The following TTC21A variants were observed in gnomAD, a reference collection of about 807,000 sequenced individuals.
TTC21A encodes the protein tetratricopeptide repeat domain 21A.
In TTC21A, 128 loss-of-function variants were observed where a neutral mutation model predicts 156.4. The observed-to-expected ratio is 0.82, with a 90% CI of 0.71 to 0.95. The LOEUF (loss-of-function observed/expected upper bound fraction) is 0.95. TTC21A is among the 40% of genes least tolerant of loss of function. The pLI is 0.00. For missense variants in TTC21A, 1,435 were observed against 1,602.3 expected, an observed-to-expected ratio of 0.90 and a Z score of 1.78; for synonymous variants, 587 against 617.1, an observed-to-expected ratio of 0.95 and a Z score of 0.72.
Position 39,136,908 on chromosome 3 carries a change from G to A in TTC21A, c.3105G>A (p.Gly1035=). ...GTTTTCTCCACCACAGGCACATAGGGCAGCCCAACGAAGCCTTAAAGTTCC... is the reference window on the plus strand; with the variant it reads ...GTTTTCTCCACCACAGGCACATAGGACAGCCCAACGAAGCCTTAAAGTTCC... ...YCRGIYCWHI[G]QPNEALKFLN... The change falls in exon 24 of 29, where the codon GGG becomes GGA. Residue 1035 remains glycine, a synonymous_variant. Transcript: ENST00000683103. The A allele has an allele frequency of 6.2e-7, 1 of 1,614,016 alleles. No homozygotes were observed. The highest frequency in any genetic ancestry group is 8.5e-7 in the Non-Finnish European group (1 of 1,180,014).
At position 39,114,745 on chromosome 3, in the gene TTC21A, G is replaced by A. The variant is rs369788110; in HGVS notation, c.716+3G>A. The A allele has an allele frequency of 4.6e-5, 75 of 1,614,018 alleles. No homozygotes were observed. In the Middle Eastern group the frequency reaches 6.6e-4, roughly 14 times the overall value. On this transcript the variant is annotated splice_donor_region_variant and intron_variant, in intron 6 of 28. Transcript: ENST00000683103. The stretch of plus-strand genomic sequence containing the variant: ...CAGACAGTAGAAATGGGACACAGGT[G>A]AGCTACTGCACAAATGGGCAGCCAA...
chr3:39,113,572 C>T (rs767632702), intron 5 of TTC21A, among the ~76,000 whole-genome samples: 1 of 152,198 alleles, frequency 6.6e-6, no homozygotes, highest in Non-Finnish European at 1.5e-5. Flanking sequence ...AGCCATCAGC[C>T]ACCAACTCTC....
intron 5 of TTC21A, among the ~76,000 whole-genome samples, chr3:39,113,496 G>A (rs1414996251): frequency 2.0e-5 from 3 of 152,188 alleles, no homozygotes; most frequent in Non-Finnish European, 4.4e-5. Flanking sequence ...CCCAGGGACA[G>A]GTGTGACCTG....
intron 27 of TTC21A, 52 bp from the exon 28 acceptor site, chr3:39,138,504 G>C: frequency 1.2e-6 from 2 of 1,613,822 alleles, no homozygotes; most frequent in South Asian, 2.2e-5. Flanking sequence ...GAACCAGAGG[G>C]GTTCTCAGGT....
Position 39,114,740 on chromosome 3 carries a change from C to G in TTC21A, c.714C>G (p.His238Gln). 2 of 1,614,166 alleles carry G rather than the reference C, an allele frequency of 1.2e-6. No homozygotes were observed. Among genetic ancestry groups the G allele is most frequent in the Non-Finnish European group, 1.7e-6 (2 of 1,180,020 alleles). Residue 238 changes from histidine (H) to glutamine (Q), a missense_variant and splice_region_variant, in exon 6 of 29, where the codon CAC (histidine) becomes CAG (glutamine). By Grantham distance (24) the His-to-Gln change is conservative (BLOSUM62 0). Coordinates refer to ENST00000683103, the MANE Select transcript of TTC21A (RefSeq NM_001366900.1). ...QDWEQTVEMG[H>Q]RILEKDESNI... ...GGGAGCAGACAGTAGAAATGGGACA[C>G]AGGTGAGCTACTGCACAAATGGGCA...
At chr3:39,113,201 C>T (rs190440892) in intron 5 of TTC21A, among the ~76,000 whole-genome samples, 12 of 152,212 alleles carry the variant, frequency 7.9e-5, no homozygotes, top group Admixed American at 4.6e-4. Context: ...TTAGTCTTAC[C>T]GCTCCAAGAC....
chr3:39,137,283 CA>C lies in TTC21A; in HGVS notation c.3347del (p.Gln1116ArgfsTer31). On this transcript the variant is annotated frameshift_variant, in exon 25 of 29. Coordinates refer to ENST00000683103, the MANE Select transcript of TTC21A (RefSeq NM_001366900.1). LOFTEE classifies it high-confidence loss of function. Reference sequence around the variant, plus strand: ...GTTTTACCCACATTCAGACTCCAGCCAGACCCAGCTGCGGCTGCTGCAGGGC... The same window carrying C: ...GTTTTACCCACATTCAGACTCCAGCCGACCCAGCTGCGGCTGCTGCAGGGC... ...REFYPHSDSS[Q>X]TQLRLLQGLC... The C allele has an allele frequency of 6.2e-7, 1 of 1,614,214 alleles. No individual in the cohort carries two copies. Among genetic ancestry groups the C allele is most frequent in the Non-Finnish European group, 8.5e-7 (1 of 1,180,036 alleles).
chr3:39,130,190 C>T lies in TTC21A; in HGVS notation c.2208+39C>T. On this transcript the variant is annotated intron_variant, in intron 16 of 28. Coordinates refer to ENST00000683103, the MANE Select transcript of TTC21A (RefSeq NM_001366900.1). This position sits in a 1 kb window ranked among gnomAD's most constrained non-coding sequence, Gnocchi z 4.5. ...CTCACAGCCTTGCCAAGTGGCCCCC[C>T]AGTCTCCCTTCTCCAGTGGGAGAGA... 1 of 1,612,296 alleles carries T rather than the reference C, an allele frequency of 6.2e-7. No individual in the cohort carries two copies. The highest frequency in any genetic ancestry group is 8.5e-7 in the Non-Finnish European group (1 of 1,178,914).
chr3:39,115,723 C>T (rs959867085), intron 6 of TTC21A, among the ~76,000 whole-genome samples: 8 of 151,954 alleles, frequency 5.3e-5, no homozygotes, highest in Non-Finnish European at 1.0e-4. Flanking sequence ...TTATTTTTAT[C>T]GCAATCATTC....
Position 39,137,549 on chromosome 3 carries a change from A to G in TTC21A, c.3514A>G (p.Lys1172Glu), listed in dbSNP as rs2039224795. 6.2e-7 allele frequency: 1 copy of G among 1,614,232 alleles called. No homozygotes were observed. The highest frequency in any genetic ancestry group is 8.5e-7 in the Non-Finnish European group (1 of 1,180,042). Residue 1172 changes from lysine to glutamate, a missense_variant, in exon 26 of 29, where the codon AAG becomes GAG. Transcript: ENST00000683103. The part of the protein sequence containing the change: ...QAYVFLKQIP[K>E]ARMQLKRLAK... ...CTACGTGTTCCTGAAGCAGATCCCC[A>G]AGGCGCGTATGCAGTTGAAGCGCCT...
intron 13 of TTC21A, 66 bp downstream of exon 13, chr3:39,128,554 G>C: frequency 6.2e-7 from 1 of 1,606,128 alleles, no homozygotes; most frequent in Non-Finnish European, 8.5e-7. Flanking sequence ...TTTGCCTTCT[G>C]AGAGTAGCCC....
In TTC21A at chr3:39,112,464, G is replaced by T; in HGVS notation, c.442G>T (p.Val148Leu). ...KISRGFREAY[V>L]LRGWVDLTSD... ...CATCTTGTTCTCATCCCAGGCCTATGTGCTCAGAGGCTGGGTGGACCTGAC... is the reference window on the plus strand; with the variant it reads ...CATCTTGTTCTCATCCCAGGCCTATTTGCTCAGAGGCTGGGTGGACCTGAC... The change falls in exon 5 of 29, where the codon GTG becomes TTG. Residue 148 changes from valine to leucine, a missense_variant. Val to Leu is a conservative substitution (Grantham distance 32). Transcript: ENST00000683103. 1 of 1,614,156 alleles carries T rather than the reference G, an allele frequency of 6.2e-7. No individual in the cohort carries two copies.
At chr3:39,110,822 T>C in intron 3 of TTC21A, 29 bp from the exon 4 acceptor site, 1 of 1,612,670 alleles carries the variant, frequency 6.2e-7, no homozygotes, top group Non-Finnish European at 8.5e-7. Flanking sequence ...ATCCTAACTC[T>C]CCCTCTTCCT....
intron 9 of TTC21A, among the ~76,000 whole-genome samples, chr3:39,124,189 A>C (rs767713036): frequency 3.9e-5 from 6 of 152,220 alleles, no homozygotes; most frequent in Non-Finnish European, 8.8e-5. Context: ...TGTAGTATTT[A>C]AATACCAAAA....
At chr3:39,114,808 A>T in intron 6 of TTC21A, 66 bp downstream of exon 6, 13 of 1,581,290 alleles carry the variant, frequency 8.2e-6, no homozygotes, top group Non-Finnish European at 8.7e-6. Context: ...TAAGCTGGGG[A>T]GGCAGGAGAA....
intron 9 of TTC21A, among the ~76,000 whole-genome samples, chr3:39,122,217 C>T (rs1299367766): frequency 1.3e-5 from 2 of 151,514 alleles, no homozygotes; most frequent in South Asian, 2.1e-4. Flanking sequence ...ACGCTGAGGC[C>T]GGAGAATCAC....
Position 39,121,020 on chromosome 3 carries a change from A to AG in TTC21A, c.927dup (p.Leu310AlafsTer4). 1 of 1,610,516 alleles carries AG rather than the reference A, an allele frequency of 6.2e-7. No homozygotes were observed. The highest frequency in any genetic ancestry group is 8.5e-7 in the Non-Finnish European group (1 of 1,177,940). ...AGTGTGGGAGTCACCAGGTGATTCT[A>AG]GGGCTAGTGTGTAGTTTCATCGAGC... On this transcript the variant is annotated frameshift_variant, in exon 9 of 29. Coordinates refer to ENST00000683103, the MANE Select transcript of TTC21A (RefSeq NM_001366900.1). LOFTEE classifies it high-confidence loss of function.
At chr3:39,116,484 CT>C (rs1553679490) in intron 6 of TTC21A, among the ~76,000 whole-genome samples, 2 of 148,632 alleles carry the variant, frequency 1.3e-5, no homozygotes, top group South Asian at 2.2e-4. Context: ...CTGCCCCCCC[CT>C]TTTTTTGGGG....
At chr3:39,127,364 G>A (rs2038355373) in intron 12 of TTC21A, among the ~76,000 whole-genome samples, 1 of 152,176 alleles carries the variant, frequency 6.6e-6, no homozygotes, top group Non-Finnish European at 1.5e-5. Flanking sequence ...TTCATCCTTA[G>A]TCCTCCCTAT....
Sources: allele counts gnomAD v4.1 joint callset (sites outside exome capture counted in the v4.1 genomes callset), GRCh38; gene constraint gnomAD v4.1.1; non-coding constraint Gnocchi (gnomAD v3.1); transcripts MANE v1.5; gene names NCBI Gene and HGNC (gene_info 2026-07-23, HGNC 2026-07-21).